Variants in INPP5D observed in about 807,000 individuals in gnomAD.
The protein encoded by INPP5D is inositol polyphosphate-5-phosphatase D, also known as phosphatidylinositol 3,4,5-trisphosphate 5-phosphatase 1.
Under a neutral mutation model 122.9 loss-of-function variants are expected in INPP5D, and 33 were observed. The ratio of observed to expected loss-of-function variants is 0.27; its 90% CI spans 0.20 to 0.36. INPP5D has a LOEUF of 0.36. INPP5D is among the 10% of genes least tolerant of loss of function. The pLI is 1.00. For missense variants in INPP5D, 1,053 were observed against 1,412.7 expected, an observed-to-expected ratio of 0.75 and a Z score of 4.08; for synonymous variants, 584 against 576.2, an observed-to-expected ratio of 1.01 and a Z score of -0.19.
rs1437941989 is a variant in INPP5D at position 233,100,852 on chromosome 2, C to T, written c.199-21255C>T. 1.3e-5 allele frequency among the ~76,000 whole-genome samples: 2 copies of T among 152,218 alleles called. No individual in the cohort carries two copies. The highest frequency in any genetic ancestry group is 2.4e-5 in the African/African-American group (1 of 41,458). ...GCCACCCAGAACACTGTTACTGTCC[C>T]TTTCTGGCATTTCTTGGTTTCAGAC... On this transcript the variant is annotated intron_variant, in intron 2 of 26. Coordinates refer to ENST00000445964, the MANE Select transcript of INPP5D (RefSeq NM_001017915.3). This position sits in a 1 kb window ranked among gnomAD's most constrained non-coding sequence, Gnocchi z 5.3.
intron 2 of INPP5D, among the ~76,000 whole-genome samples, chr2:233,079,809 C>G (rs372320184): frequency 6.6e-6 from 1 of 152,188 alleles, no homozygotes; most frequent in Non-Finnish European, 1.5e-5. Flanking sequence ...TGAGGGGCTG[C>G]GAGACTAGCA....
At chr2:233,196,698 A>G (rs1574803686) in intron 24 of INPP5D, among the ~76,000 whole-genome samples, 1 of 152,260 alleles carries the variant, frequency 6.6e-6, no homozygotes. Flanking sequence ...TAACTCACCG[A>G]TGTGGTCTCC....
chr2:233,123,238 G>A (rs1056735994), intron 3 of INPP5D, among the ~76,000 whole-genome samples: 9 of 152,136 alleles, frequency 5.9e-5, no homozygotes, highest in African/African-American at 1.4e-4. Flanking sequence ...GGCAGATCAC[G>A]AGGTCAGGAG....
chr2:233,104,844 A>G (rs934636376), intron 2 of INPP5D, among the ~76,000 whole-genome samples: 6 of 152,160 alleles, frequency 3.9e-5, no homozygotes, highest in African/African-American at 1.2e-4. Context: ...CCAGTAATTC[A>G]TGAAAGAAGG....
intron 13 of INPP5D, among the ~76,000 whole-genome samples, chr2:233,166,751 G>A (rs1207988741): frequency 2.6e-5 from 4 of 152,190 alleles, no homozygotes; most frequent in African/African-American, 9.7e-5. Flanking sequence ...TTGGAAGGCC[G>A]AGGCCGGTGG....
intron 9 of INPP5D, 70 bp downstream of exon 9, chr2:233,147,664 C>G (rs1394484614): frequency 5.8e-6 from 4 of 689,700 alleles, no homozygotes; most frequent in Non-Finnish European, 1.1e-5. Flanking sequence ...CTCAGCTCAC[C>G]TCTCAGAAGG....
At chr2:233,099,887 G>T (rs1007495688) in intron 2 of INPP5D, among the ~76,000 whole-genome samples, 1 of 152,200 alleles carries the variant, frequency 6.6e-6, no homozygotes, top group Admixed American at 6.5e-5. Flanking sequence ...GTTCCACGTG[G>T]CTGGGGAGGC....
chr2:233,070,720 C>T (rs1423013610), intron 1 of INPP5D, among the ~76,000 whole-genome samples: 2 of 152,060 alleles, frequency 1.3e-5, no homozygotes, highest in Non-Finnish European at 2.9e-5. Context: ...GGATTACAGG[C>T]GTGAGCCACC....
rs1381751677 is a variant in INPP5D at position 233,170,640 on chromosome 2, A to G, written c.1900+36A>G. On this transcript the variant is annotated intron_variant, in intron 16 of 26. Transcript: ENST00000445964. The surrounding 1 kb of genome is among the most constrained non-coding windows in gnomAD (Gnocchi z 4.5). The stretch of plus-strand genomic sequence containing the variant: ...CAACCCCGGCTGGGAGCGGTGGCTC[A>G]CACCTGTAATCCCAGCACTTTAGGA... 6.2e-7 allele frequency: 1 copy of G among 1,607,724 alleles called. No individual in the cohort carries two copies. Among genetic ancestry groups the G allele is most frequent in the South Asian group, 1.1e-5 (1 of 90,764 alleles).
At chr2:233,117,746 A>G (rs1164763492) in intron 2 of INPP5D, among the ~76,000 whole-genome samples, 2 of 152,200 alleles carry the variant, frequency 1.3e-5, no homozygotes, top group African/African-American at 4.8e-5. Context: ...TGAAAAACGC[A>G]CATGACACCT....
chr2:233,074,149 A>C (rs928218000), intron 1 of INPP5D, among the ~76,000 whole-genome samples: 43 of 152,316 alleles, frequency 2.8e-4, no homozygotes, highest in African/African-American at 9.9e-4. Context: ...AGATTTGTTC[A>C]GAGATGGGAG....
chr2:233,185,383 T>C (rs939909800), intron 20 of INPP5D, among the ~76,000 whole-genome samples: 5 of 151,824 alleles, frequency 3.3e-5, no homozygotes, highest in Admixed American at 1.3e-4. Context: ...GTTCGAAAAA[T>C]GATGAGGATT....
At chr2:233,063,222 C>A (rs916496467) in intron 1 of INPP5D, among the ~76,000 whole-genome samples, 2 of 152,202 alleles carry the variant, frequency 1.3e-5, no homozygotes, top group Non-Finnish European at 2.9e-5. Flanking sequence ...CTAGAAGTGA[C>A]TGCAGAAGGA....
intron 22 of INPP5D, among the ~76,000 whole-genome samples, chr2:233,191,899 A>G (rs967295208): frequency 1.6e-4 from 25 of 152,258 alleles, no homozygotes; most frequent in African/African-American, 6.0e-4. Flanking sequence ...AGCCCCACGC[A>G]TAGTCTCCCA....
chr2:233,126,690 C>T (rs1052787277), intron 4 of INPP5D, among the ~76,000 whole-genome samples: 1 of 152,110 alleles, frequency 6.6e-6, no homozygotes, highest in Non-Finnish European at 1.5e-5. Context: ...GAGGCCCAGG[C>T]GGGCAGATCA....
chr2:233,123,457 A>C (rs1693055728), intron 3 of INPP5D, among the ~76,000 whole-genome samples: 1 of 151,844 alleles, frequency 6.6e-6, no homozygotes, highest in South Asian at 2.1e-4. Flanking sequence ...CGTCTCAAAA[A>C]AAAAAAAAAA....
chr2:233,090,421 G>C (rs372958254), intron 2 of INPP5D, among the ~76,000 whole-genome samples: 13 of 152,100 alleles, frequency 8.5e-5, no homozygotes, highest in East Asian at 3.9e-4. Flanking sequence ...TGCCAGGCTG[G>C]TGGCCATCAG....
At chr2:233,162,496 G>A (rs7607812) in intron 11 of INPP5D, among the ~76,000 whole-genome samples, 51,462 of 150,392 alleles carry the variant, frequency 0.34, 10,898 homozygotes, top group Non-Finnish European at 0.48. Flanking sequence ...AATATATTTT[G>A]TATTAAACAT....
At chr2:233,122,437 C>T (rs1022986625) in intron 3 of INPP5D, among the ~76,000 whole-genome samples, 180 bp downstream of exon 3, 2 of 152,176 alleles carry the variant, frequency 1.3e-5, no homozygotes, top group Non-Finnish European at 2.9e-5. Context: ...ATTCCTCCTC[C>T]CCAGCTTATT....
Sources: allele counts gnomAD v4.1 joint callset (sites outside exome capture counted in the v4.1 genomes callset), GRCh38; gene constraint gnomAD v4.1.1; non-coding constraint Gnocchi (gnomAD v3.1); transcripts MANE v1.5; gene names NCBI Gene and HGNC (gene_info 2026-07-23, HGNC 2026-07-21).